The following COXFA4L3 variants were observed in gnomAD, a reference collection of about 807,000 sequenced individuals.
COXFA4L3 encodes the protein cytochrome c oxidase associated subunit FA4L3.
the COXFA4L3 span, among the ~76,000 whole-genome samples, chr15:45,431,604 G>A: frequency 1.3e-5 from 2 of 152,234 alleles, no homozygotes; most frequent in Non-Finnish European, 2.9e-5. Flanking sequence ...CATGTATCCT[G>A]GAATATGAGG....
chr15:45,432,865 G>A, the COXFA4L3 span: 1 of 1,154,838 alleles, frequency 8.7e-7, no homozygotes, highest in Non-Finnish European at 1.2e-6. Flanking sequence ...AAAGGGGAGT[G>A]TGGACAAATC....
At chr15:45,432,396 G>A in the COXFA4L3 span, among the ~76,000 whole-genome samples, 3 of 152,252 alleles carry the variant, frequency 2.0e-5, no homozygotes, top group East Asian at 5.8e-4. Flanking sequence ...CAGGCACGGT[G>A]TCTCACACCT....
the COXFA4L3 span, chr15:45,430,910 A>G: frequency 4.5e-6 from 7 of 1,568,078 alleles, no homozygotes; most frequent in Non-Finnish European, 6.1e-6. Flanking sequence ...GATTTTGAAC[A>G]AAGTATAAAA....
the COXFA4L3 span, chr15:45,432,098 C>G: frequency 1.2e-6 from 2 of 1,613,580 alleles, no homozygotes; most frequent in Non-Finnish European, 8.5e-7. Context: ...AATCCAGAAC[C>G]TTGGGAAACT....
the COXFA4L3 span, chr15:45,431,110 A>C: frequency 6.3e-7 from 1 of 1,597,308 alleles, no homozygotes. Context: ...AATTTATAAA[A>C]ACGTTTTTGG....
At chr15:45,432,016 C>A in the COXFA4L3 span, 1 of 1,441,864 alleles carries the variant, frequency 6.9e-7, no homozygotes, top group Admixed American at 1.8e-5. Context: ...AACCCAGTAT[C>A]AGTGTTGGTT....
At chr15:45,432,265 A>G in the COXFA4L3 span, 1 of 714,434 alleles carries the variant, frequency 1.4e-6, no homozygotes. Flanking sequence ...AATTAAAATG[A>G]GGAAATTTTA....
chr15:45,432,742 G>C, the COXFA4L3 span, among the ~76,000 whole-genome samples: 1 of 152,134 alleles, frequency 6.6e-6, no homozygotes, highest in Non-Finnish European at 1.5e-5. Context: ...ACACTTAGGA[G>C]CCCAAGGGCT....
At chr15:45,431,686 G>A in the COXFA4L3 span, among the ~76,000 whole-genome samples, 1 of 152,136 alleles carries the variant, frequency 6.6e-6, no homozygotes, top group African/African-American at 2.4e-5. Context: ...GCTGGCAGAG[G>A]AGCCTAGAGC....
At chr15:45,430,620 C>A in the COXFA4L3 span, 1 of 621,158 alleles carries the variant, frequency 1.6e-6, no homozygotes, top group Non-Finnish European at 2.9e-6. Flanking sequence ...CGGTTCCGGG[C>A]GTTACCATCG....
At chr15:45,432,132 G>A in the COXFA4L3 span, 1 of 1,610,626 alleles carries the variant, frequency 6.2e-7, no homozygotes, top group Non-Finnish European at 8.5e-7. Context: ...TACCTCAAAA[G>A]GTATTGTTAA....
the COXFA4L3 span, chr15:45,430,842 AAAAAC>A: frequency 1.2e-6 from 2 of 1,608,660 alleles, no homozygotes; most frequent in Non-Finnish European, 1.7e-6. Context: ...AGTAAGTTTT[AAAAAC>A]AATTGAAAAT....
At chr15:45,432,993 A>G in the COXFA4L3 span, 1 of 1,613,942 alleles carries the variant, frequency 6.2e-7, no homozygotes, top group Admixed American at 1.7e-5. Flanking sequence ...AGAGTTGCAA[A>G]ATGTCCAAAG....
the COXFA4L3 span, among the ~76,000 whole-genome samples, chr15:45,432,608 T>C: frequency 2.0e-5 from 3 of 152,214 alleles, no homozygotes; most frequent in African/African-American, 7.2e-5. Flanking sequence ...GAGGCTGCAG[T>C]GAGTTGCAGT....
At chr15:45,430,991 T>C in the COXFA4L3 span, 3 of 1,613,128 alleles carry the variant, frequency 1.9e-6, no homozygotes, top group Non-Finnish European at 1.7e-6. Context: ...CTCCACCTGT[T>C]ATTTGTTAGC....
chr15:45,432,242 G>A, the COXFA4L3 span: 2 of 844,980 alleles, frequency 2.4e-6, no homozygotes, highest in Admixed American at 2.8e-5. Flanking sequence ...GATCAATTGT[G>A]CCTTCATCGA....
the COXFA4L3 span, chr15:45,431,309 A>G: frequency 2.3e-6 from 1 of 438,720 alleles, no homozygotes. Flanking sequence ...ATTTAAAAAA[A>G]CCCATGATAT....
the COXFA4L3 span, chr15:45,430,931 T>C: frequency 3.8e-6 from 6 of 1,561,642 alleles, no homozygotes; most frequent in African/African-American, 2.7e-5. Flanking sequence ...TAAATACAGT[T>C]GTTTTGCTGT....
At chr15:45,432,884 G>T in the COXFA4L3 span, 2 of 1,375,456 alleles carry the variant, frequency 1.5e-6, no homozygotes, top group Non-Finnish European at 1.0e-6. Context: ...TCCGAAAGAG[G>T]GACATGCAAA....
Sources: gnomAD v4.1 joint callset for allele counts (sites outside exome capture counted in the v4.1 genomes callset) on GRCh38, gnomAD v4.1.1 for gene constraint, MANE v1.5 for transcripts, NCBI Gene and HGNC (gene_info 2026-07-23, HGNC 2026-07-21) for gene names.